Variants in DSCAML1 observed in about 807,000 individuals in gnomAD.
DSCAML1 encodes cell adhesion molecule DSCAML1.
In DSCAML1, 38 loss-of-function variants were observed where a neutral mutation model predicts 200.5. That is an observed-to-expected ratio of 0.19 (90% confidence interval 0.15 to 0.25). The LOEUF (loss-of-function observed/expected upper bound fraction) is 0.25. DSCAML1 is among the 10% of genes least tolerant of loss of function. DSCAML1 has a pLI of 1.00. For missense variants in DSCAML1, 2,223 were observed against 2,858.8 expected (o/e 0.78, Z 5.07); for synonymous variants, 1,215 against 1,165.0 (o/e 1.04, Z -0.87).
intron 19 of DSCAML1, among the ~76,000 whole-genome samples, chr11:117,456,276 C>T (rs2048366204): frequency 6.6e-6 from 1 of 152,214 alleles, no homozygotes; most frequent in African/African-American, 2.4e-5. Flanking sequence ...AGGCTGGGAA[C>T]CACTGACTTA....
chr11:117,483,225 T>G (rs2048966843), intron 11 of DSCAML1, among the ~76,000 whole-genome samples: 1 of 152,134 alleles, frequency 6.6e-6, no homozygotes, highest in African/African-American at 2.4e-5. Context: ...ATGGGGCACT[T>G]ATGCCATCAT....
rs770626161 is a variant in DSCAML1 at position 117,437,296 on chromosome 11, C to T, written c.4546G>A (p.Glu1516Lys). The T allele has an allele frequency of 6.2e-7, 1 of 1,614,260 alleles. No homozygotes were observed. The highest frequency in any genetic ancestry group is 8.5e-7 in the Non-Finnish European group (1 of 1,180,050). Reference protein sequence around the residue: ...GGCPITAIVLEYRPKGTWAWQ... With the variant: ...GGCPITAIVLKYRPKGTWAWQ... ...GCCCAGGTCCCCTTGGGCCGGTACT[C>T]CAGAACGATGGCTGTGATAGGGCAG... Residue 1516 changes from glutamate to lysine, a missense_variant, in exon 26 of 33, where the codon GAG becomes AAG. By Grantham distance (56) the Glu-to-Lys change is moderately conservative. Around this residue, in one of 7 missense-constraint regions of DSCAML1, gnomAD observed 614 missense variants for 739.1 expected, o/e 0.83. Transcript: ENST00000651296. This position sits in a 1 kb window ranked among gnomAD's most constrained non-coding sequence, Gnocchi z 5.3.
chr11:117,664,708 G>A (rs1448584463), intron 3 of DSCAML1, among the ~76,000 whole-genome samples: 5 of 152,132 alleles, frequency 3.3e-5, no homozygotes, highest in Admixed American at 6.5e-5. Context: ...GGATTTTTGC[G>A]GAACTGTTTC....
chr11:117,734,732 G>T (rs1463135113), intron 3 of DSCAML1, among the ~76,000 whole-genome samples: 2 of 152,226 alleles, frequency 1.3e-5, no homozygotes, highest in African/African-American at 4.8e-5. Context: ...TATCTGCAGG[G>T]CCTGGTGCAT....
intron 3 of DSCAML1, among the ~76,000 whole-genome samples, chr11:117,724,708 T>A (rs1298513105): frequency 2.6e-5 from 4 of 152,222 alleles, no homozygotes; most frequent in African/African-American, 9.6e-5. Context: ...TAACCCTTAG[T>A]GAATTGGAAT....
At position 117,720,334 on chromosome 11, in the gene DSCAML1, G is replaced by A. The variant is rs142380550; in HGVS notation, c.511+56457C>T. On this transcript the variant is annotated intron_variant, in intron 3 of 32. Transcript: ENST00000651296. ...GCTGAATGGCATAAAGAGTGCACACGCCCTCCCAGCCTCAGAATTAGCAGG... is the reference window on the plus strand; with the variant it reads ...GCTGAATGGCATAAAGAGTGCACACACCCTCCCAGCCTCAGAATTAGCAGG... 3.2e-3 allele frequency among the ~76,000 whole-genome samples: 486 copies of A among 152,286 alleles called. 4 individuals are homozygous for A. The highest frequency in any genetic ancestry group is 0.018 in the East Asian group (94 of 5,172).
intron 3 of DSCAML1, among the ~76,000 whole-genome samples, chr11:117,604,954 T>C (rs746303233): frequency 6.6e-6 from 1 of 152,132 alleles, no homozygotes; most frequent in African/African-American, 2.4e-5. Context: ...TGGCTGTGGG[T>C]TTCGGGAGGA....
At chr11:117,667,095 A>G (rs908827644) in intron 3 of DSCAML1, among the ~76,000 whole-genome samples, 1 of 152,240 alleles carries the variant, frequency 6.6e-6, no homozygotes, top group African/African-American at 2.4e-5. Context: ...CAGGTGGGAC[A>G]AGGAGCCTGC....
At chr11:117,671,254 G>A (rs2053099623) in intron 3 of DSCAML1, among the ~76,000 whole-genome samples, 1 of 152,210 alleles carries the variant, frequency 6.6e-6, no homozygotes. Flanking sequence ...TAGAAATCAT[G>A]GAGCCCCAAA....
At position 117,438,896 on chromosome 11, in the gene DSCAML1, C is replaced by G; in HGVS notation, c.4232G>C (p.Ser1411Thr). 6.2e-7 allele frequency: 1 copy of G among 1,602,284 alleles called. No homozygotes were observed. The highest frequency in any genetic ancestry group is 8.5e-7 in the Non-Finnish European group (1 of 1,175,734). Reference sequence around the variant, plus strand: ...AGACCCCTCCTCACCTCGGATGGAGCTGCCCCCATTGTCACCTGGAATCCA... The same window carrying G: ...AGACCCCTCCTCACCTCGGATGGAGGTGCCCCCATTGTCACCTGGAATCCA... ...LTWIPGDNGG[S>T]SIRGFVLQYS... The change falls in exon 24 of 33, where the codon AGC (serine) becomes ACC (threonine). Residue 1411 changes from serine (S) to threonine (T), a missense_variant. Coordinates refer to ENST00000651296, the MANE Select transcript of DSCAML1 (RefSeq NM_020693.4).
Position 117,780,179 on chromosome 11 carries a change from GAAAAAA to G in DSCAML1, c.364+308_364+313del, listed in dbSNP as rs753602006. Among the ~76,000 whole-genome samples the G allele has an allele frequency of 9.0e-6, 1 of 111,316 alleles. No individual in the cohort carries two copies. Among genetic ancestry groups the G allele is most frequent in the Non-Finnish European group, 1.9e-5 (1 of 53,164 alleles). The allele number at this position is 111,316 out of a possible 152,430, so 73.0% of individuals were successfully genotyped here. ...AGAGAGAAAGAAAGAAAGAAAAAAAGAAAAAAAGAAAGAAAGAAAGAGAAAGAAAGA... is the reference window on the plus strand; with the variant it reads ...AGAGAGAAAGAAAGAAAGAAAAAAAGAGAAAGAAAGAAAGAGAAAGAAAGA... On this transcript the variant is annotated intron_variant, in intron 2 of 32. Coordinates refer to ENST00000651296, the MANE Select transcript of DSCAML1 (RefSeq NM_020693.4). The surrounding 1 kb of genome is among the most constrained non-coding windows in gnomAD (Gnocchi z 4.8).
chr11:117,448,085 G>A lies in DSCAML1; in HGVS notation c.3708+2464C>T, dbSNP rs796873606. Reference sequence around the variant, plus strand: ...AATCGCAAGACATGAAGAAGATGGAGGGAGGGTCCCAATGTCTCCATCAGC... The same window carrying A: ...AATCGCAAGACATGAAGAAGATGGAAGGAGGGTCCCAATGTCTCCATCAGC... On this transcript the variant is annotated intron_variant, in intron 20 of 32. Transcript: ENST00000651296. Among the ~76,000 whole-genome samples, 8 of 152,318 alleles carry A rather than the reference G, an allele frequency of 5.3e-5. 1 individual carries two copies. The highest frequency in any genetic ancestry group is 1.9e-4 in the African/African-American group (8 of 41,560).
rs77454060 is a variant in DSCAML1, at chr11:117,658,238, C to T, written c.511+118553G>A. On this transcript the variant is annotated intron_variant, in intron 3 of 32. Coordinates refer to ENST00000651296, the MANE Select transcript of DSCAML1 (RefSeq NM_020693.4). ...TTCTGCAGCCCTAGAGTCTCTGGAG[C>T]TCATGCTACACATTCATCAGAGGCA... 7.0e-3 allele frequency among the ~76,000 whole-genome samples: 1,068 copies of T among 152,244 alleles called. 22 individuals are homozygous for T. In the East Asian group the frequency reaches 0.084, roughly 12 times the overall value.
chr11:117,666,913 A>G (rs753284450), intron 3 of DSCAML1, among the ~76,000 whole-genome samples: 8 of 152,144 alleles, frequency 5.3e-5, no homozygotes, highest in Admixed American at 1.3e-4. Context: ...GCAGGTAATT[A>G]CTGTCCGAAT....
chr11:117,464,854 A>G (rs2048548351), intron 17 of DSCAML1, 88 bp downstream of exon 17: 1 of 1,552,468 alleles, frequency 6.4e-7, no homozygotes, highest in Admixed American at 1.8e-5. Flanking sequence ...CCCAGGGGCA[A>G]ACAGAGGGAC....
chr11:117,479,179 AC>A (rs1288047010), intron 14 of DSCAML1, among the ~76,000 whole-genome samples: 7 of 152,222 alleles, frequency 4.6e-5, no homozygotes, highest in Admixed American at 1.3e-4. Flanking sequence ...AGAGGAGAGG[AC>A]AGCCGGCCGG....
Position 117,767,666 on chromosome 11 carries a change from G to A in DSCAML1, c.511+9125C>T, listed in dbSNP as rs115733109. Among the ~76,000 whole-genome samples, 1,362 of 152,274 alleles carry A rather than the reference G, an allele frequency of 8.9e-3. 21 individuals are homozygous for A. The highest frequency in any genetic ancestry group is 0.031 in the African/African-American group (1,268 of 41,544). On this transcript the variant is annotated intron_variant, in intron 3 of 32. Transcript: ENST00000651296. ...CCACTCTCTGACTGCCTTGATGAGG[G>A]AAACAGTAATTGCTGGGAGTTCCTA...
chr11:117,709,966 C>G (rs1367501078), intron 3 of DSCAML1, among the ~76,000 whole-genome samples: 1 of 152,194 alleles, frequency 6.6e-6, no homozygotes, highest in Non-Finnish European at 1.5e-5. Context: ...AAGAATGAAT[C>G]CCTGGACTTT....
intron 20 of DSCAML1, among the ~76,000 whole-genome samples, chr11:117,449,244 G>A (rs1216148658): frequency 6.6e-6 from 1 of 152,168 alleles, no homozygotes; most frequent in Non-Finnish European, 1.5e-5. Flanking sequence ...GATTCAGGGT[G>A]TTGTAATGTC....
Sources: allele counts gnomAD v4.1 joint callset (sites outside exome capture counted in the v4.1 genomes callset), GRCh38; gene constraint gnomAD v4.1.1; regional missense constraint gnomAD v4.1.1; non-coding constraint Gnocchi (gnomAD v3.1); transcripts MANE v1.5; gene names NCBI Gene and HGNC (gene_info 2026-07-23, HGNC 2026-07-21).